GSDME: variants seen among roughly 807,000 people sequenced by gnomAD.
GSDME encodes gasdermin-E.
GSDME carries 44 observed loss-of-function variants against 47.5 expected under a neutral mutation model. That is an observed-to-expected ratio of 0.93 (90% CI 0.73 to 1.19). The LOEUF (loss-of-function observed/expected upper bound fraction) is 1.19. Ranked by LOEUF, GSDME falls within the 50% of genes most tolerant of loss-of-function variation. The pLI is 0.00. For missense variants in GSDME, 663 were observed against 604.2 expected, an observed-to-expected ratio of 1.10 and a Z score of -1.02; for synonymous variants, 258 against 252.8, an observed-to-expected ratio of 1.02 and a Z score of -0.20.
chr7:24,751,899 C>T (rs998941344), intron 1 of GSDME, among the ~76,000 whole-genome samples: 5 of 152,272 alleles, frequency 3.3e-5, no homozygotes, highest in South Asian at 2.1e-4. Flanking sequence ...GAGAAATAAA[C>T]AGCTTAGTTT....
chr7:24,741,780 G>A (rs935915605), intron 3 of GSDME, among the ~76,000 whole-genome samples: 2 of 152,140 alleles, frequency 1.3e-5, no homozygotes, highest in African/African-American at 4.8e-5. Flanking sequence ...GGAGTCCAGA[G>A]ACAGGCAGAC....
the GSDME span, among the ~76,000 whole-genome samples, chr7:24,777,841 T>C: frequency 6.6e-6 from 1 of 152,172 alleles, no homozygotes; most frequent in South Asian, 2.1e-4. Context: ...GAGGCCAGCC[T>C]GGGCAACATA....
rs1789201085 is a variant in GSDME at position 24,708,250 on chromosome 7, G to A, written c.867C>T (p.Thr289=). Residue 289 remains threonine (T), a synonymous_variant, in exon 7 of 10, where the codon ACC becomes ACT. Coordinates refer to ENST00000645220, the MANE Select transcript of GSDME (RefSeq NM_001127453.2). Reference sequence around the variant, plus strand: ...GATGGAAATTCCTCTCCAGGAGCAGGGTCGCTGTGAAAACAAAGCACACCC... The same window carrying A: ...GATGGAAATTCCTCTCCAGGAGCAGAGTCGCTGTGAAAACAAAGCACACCC... ...DGPLSVLKQA[T]LLLERNFHPF... 1 of 1,614,012 alleles carries A rather than the reference G, an allele frequency of 6.2e-7. No homozygotes were observed. The highest frequency in any genetic ancestry group is 8.5e-7 in the Non-Finnish European group (1 of 1,180,036).
chr7:24,710,631 C>A (rs1264875105), intron 5 of GSDME: 18 of 537,142 alleles, frequency 3.4e-5, no homozygotes, highest in South Asian at 2.8e-4. Flanking sequence ...AATATATATT[C>A]TCTGAACAGG....
In GSDME at chr7:24,744,956, C is replaced by T. The variant is rs539858391; in HGVS notation, c.212-202G>A. 2.3e-4 allele frequency among the ~76,000 whole-genome samples: 23 copies of T among 99,538 alleles called. No individual in the cohort carries two copies. Among genetic ancestry groups the T allele is most frequent in the Non-Finnish European group, 4.3e-4 (20 of 46,482 alleles). 65.3% of individuals were successfully genotyped at this position (99,538 alleles called of 152,430 possible). ...TGTGTGTGTGTGTGTGTGTGTGGAC[C>T]GCGGGCACACAGTGGACCAGTGCAG... On this transcript the variant is annotated intron_variant, in intron 2 of 9. Coordinates refer to ENST00000645220, the MANE Select transcript of GSDME (RefSeq NM_001127453.2). The surrounding 1 kb of genome is among the most constrained non-coding windows in gnomAD (Gnocchi z 4.5).
Position 24,710,312 on chromosome 7 carries a change from C to A in GSDME, c.774G>T (p.Leu258=). The change falls in exon 6 of 10, where the codon CTG becomes CTT. Residue 258 remains leucine (L), a synonymous_variant. Coordinates refer to ENST00000645220, the MANE Select transcript of GSDME (RefSeq NM_001127453.2). ...CTATGAATGCAAACTCTCGAAAGAC[C>A]AGGGGGTCCAGGTAGACAGAGTCAA... The part of the protein sequence containing the change: ...KRIDSVYLDP[L]VFREFAFIDM... 1 of 1,614,246 alleles carries A rather than the reference C, an allele frequency of 6.2e-7. No homozygotes were observed.
the GSDME span, among the ~76,000 whole-genome samples, chr7:24,794,299 CCT>C: frequency 1.4e-4 from 21 of 148,338 alleles, no homozygotes; most frequent in Admixed American, 1.3e-3. Context: ...CTCTTTCTCT[CCT>C]CTCTCTCTCT....
Position 24,712,369 on chromosome 7 carries a change from T to C in GSDME, c.698-1981A>G, listed in dbSNP as rs1789388820. 6.6e-6 allele frequency among the ~76,000 whole-genome samples: 1 copy of C among 152,182 alleles called. No individual in the cohort carries two copies. Among genetic ancestry groups the C allele is most frequent in the Non-Finnish European group, 1.5e-5 (1 of 68,030 alleles). On this transcript the variant is annotated intron_variant, in intron 5 of 9. Coordinates refer to ENST00000645220, the MANE Select transcript of GSDME (RefSeq NM_001127453.2). The surrounding 1 kb of genome is among the most constrained non-coding windows in gnomAD (Gnocchi z 4.4). Reference sequence around the variant, plus strand: ...GTCCCCAAAATAATGTGGAACCAACTGGCATTTTAAGAATCCACAGCACCA... The same window carrying C: ...GTCCCCAAAATAATGTGGAACCAACCGGCATTTTAAGAATCCACAGCACCA...
At chr7:24,699,331 T>G in intron 9 of GSDME, 72 bp from the exon 10 acceptor site, 1 of 1,179,408 alleles carries the variant, frequency 8.5e-7, no homozygotes, top group East Asian at 2.4e-5. Context: ...GTAATGCACT[T>G]GTAGGTAATT....
At position 24,702,303 on chromosome 7, in the gene GSDME, C is replaced by CCTGAAAGTGGATGAAAGAAG. The variant is rs1788901767; in HGVS notation, c.1257+437_1257+456dup. 3.6e-5 allele frequency: 9 copies of CCTGAAAGTGGATGAAAGAAG among 252,028 alleles called. No homozygotes were observed. The South Asian group carries it at 4.8e-4, about 13-fold the overall frequency. The allele number at this position is 252,028 out of a possible 1,614,324, so 15.6% of individuals were successfully genotyped here. On this transcript the variant is annotated intron_variant, in intron 9 of 9. Coordinates refer to ENST00000645220, the MANE Select transcript of GSDME (RefSeq NM_001127453.2). Reference sequence around the variant, plus strand: ...GAGGGGGCACCAAGCTAACGATATTCCTGAAAGTGGATGAAAGAAGCTATG... The same window carrying CCTGAAAGTGGATGAAAGAAG: ...GAGGGGGCACCAAGCTAACGATATTCCTGAAAGTGGATGAAAGAAGCTGAAAGTGGATGAAAGAAGCTATG...
the GSDME span, among the ~76,000 whole-genome samples, chr7:24,766,287 A>C: frequency 7.0e-6 from 1 of 142,602 alleles, no homozygotes; most frequent in Non-Finnish European, 1.5e-5. This position sits in a 1 kb window ranked among gnomAD's most constrained non-coding sequence, Gnocchi z 4.2. Flanking sequence ...ACCCTGCACA[A>C]CACTTTATTT....
intron 4 of GSDME, 89 bp downstream of exon 4, chr7:24,718,958 G>A: frequency 2.8e-6 from 4 of 1,423,852 alleles, no homozygotes; most frequent in Non-Finnish European, 2.9e-6. Flanking sequence ...AAAGAGTCCT[G>A]ACTAATGAAG....
At chr7:24,768,170 C>T in the GSDME span, among the ~76,000 whole-genome samples, 3 of 152,320 alleles carry the variant, frequency 2.0e-5, no homozygotes, top group Middle Eastern at 6.8e-3. This position sits in a 1 kb window ranked among gnomAD's most constrained non-coding sequence, Gnocchi z 5.6. Flanking sequence ...TCTGAGGTTA[C>T]TCAAACTTTA....
chr7:24,730,853 G>C (rs1790122483), intron 3 of GSDME, among the ~76,000 whole-genome samples: 1 of 152,066 alleles, frequency 6.6e-6, no homozygotes, highest in Admixed American at 6.6e-5. Flanking sequence ...AAACTCATCA[G>C]ACAAGGTGAT....
At chr7:24,777,358 A>T in the GSDME span, among the ~76,000 whole-genome samples, 1 of 152,180 alleles carries the variant, frequency 6.6e-6, no homozygotes, top group Non-Finnish European at 1.5e-5. Context: ...GCTTTTAGGG[A>T]TGCTTTGGAA....
rs1362549402 is a variant in GSDME, at chr7:24,748,065, A to G, written c.211+1499T>C. Among the ~76,000 whole-genome samples, 3 of 151,910 alleles carry G rather than the reference A, an allele frequency of 2.0e-5. No homozygotes were observed. In the East Asian group the frequency reaches 5.8e-4, roughly 29 times the overall value. On this transcript the variant is annotated intron_variant, in intron 2 of 9. Coordinates refer to ENST00000645220, the MANE Select transcript of GSDME (RefSeq NM_001127453.2). The stretch of plus-strand genomic sequence containing the variant: ...TGTGTTTGTTGAAAATTGTATTTAA[A>G]AATATTTAAACCTAATTAAATATTT...
intron 5 of GSDME, among the ~76,000 whole-genome samples, chr7:24,713,818 C>G (rs999113376): frequency 4.6e-5 from 7 of 152,198 alleles, no homozygotes; most frequent in African/African-American, 1.7e-4. Flanking sequence ...AGTTACGAGT[C>G]TGTGGCAGAG....
rs879548465 is a variant in GSDME, at chr7:24,721,092, GGCTTC to G, written c.405-1879_405-1875del. 0.019 allele frequency among the ~76,000 whole-genome samples: 2,830 copies of G among 152,268 alleles called. 98 individuals carry two copies. Among genetic ancestry groups the G allele is most frequent in the African/African-American group, 0.065 (2,707 of 41,540 alleles). On this transcript the variant is annotated intron_variant, in intron 3 of 9. Transcript: ENST00000645220. This position sits in a 1 kb window ranked among gnomAD's most constrained non-coding sequence, Gnocchi z 4.1. ...AGATTGGAGGTTACCGGGGCTGCAGGGCTTCGCTGCCTGATGGCTGCAGAGTTCCT... is the reference window on the plus strand; with the variant it reads ...AGATTGGAGGTTACCGGGGCTGCAGGGCTGCCTGATGGCTGCAGAGTTCCT...
chr7:24,719,131 C>G lies in GSDME; in HGVS notation c.492G>C (p.Thr164=), dbSNP rs371705826. ...VLCVLTQKIT[T]MQKCVISEHM... ...GCTCAGAGATCACACACTTCTGCAT[C>G]GTCGTGATCTTCTGTGTCAAAACGC... The change falls in exon 4 of 10, where the codon ACG becomes ACC. Residue 164 remains threonine, a synonymous_variant. Transcript: ENST00000645220. 4.3e-6 allele frequency: 7 copies of G among 1,613,840 alleles called. No homozygotes were observed. The highest frequency in any genetic ancestry group is 3.3e-5 in the Admixed American group (2 of 60,002).
Sources: gnomAD v4.1 joint callset for allele counts (sites outside exome capture counted in the v4.1 genomes callset) on GRCh38, gnomAD v4.1.1 for gene constraint, Gnocchi (gnomAD v3.1) non-coding constraint, MANE v1.5 for transcripts, NCBI Gene and HGNC (gene_info 2026-07-23, HGNC 2026-07-21) for gene names.